Variants in TSKS observed in about 807,000 individuals in gnomAD.
TSKS encodes testis-specific serine kinase substrate.
Under a neutral mutation model 68.0 loss-of-function variants are expected in TSKS, and 27 were observed. The ratio of observed to expected loss-of-function variants is 0.40; its 90% CI spans 0.29 to 0.55. The LOEUF (loss-of-function observed/expected upper bound fraction) is 0.55, where lower values mean the gene tolerates loss of function less well. Ranked by LOEUF, TSKS falls within the 20% of genes least tolerant of loss-of-function variation. TSKS has a pLI of 0.53. For missense variants in TSKS, 806 were observed against 776.0 expected (o/e 1.04, Z -0.46); for synonymous variants, 331 against 340.4 (o/e 0.97, Z 0.30).
At chr19:49,749,923 C>T (rs1288591891) in intron 2 of TSKS, among the ~76,000 whole-genome samples, 3 of 151,950 alleles carry the variant, frequency 2.0e-5, no homozygotes, top group Non-Finnish European at 2.9e-5. Flanking sequence ...TTTTTTCTCT[C>T]TCTTTTATTT....
Position 49,739,834 on chromosome 19 carries a change from C to T in TSKS, c.1721G>A (p.Gly574Glu). Residue 574 changes from glycine to glutamate, a missense_variant, in exon 11 of 11, where the codon GGG (glycine) becomes GAG (glutamate). By Grantham distance (98) the Gly-to-Glu change is moderately conservative. Transcript: ENST00000246801. The stretch of plus-strand genomic sequence containing the variant: ...GGGGGTTCCTGCACTGCTGCCTCCC[C>T]CCATTGTTCCCGTGGACCCCTCAAG... ...LPLEGSTGTM[G>E]GGSSAGTPPK... The T allele has an allele frequency of 6.2e-7, 1 of 1,613,308 alleles. No homozygotes were observed. The highest frequency in any genetic ancestry group is 1.1e-5 in the South Asian group (1 of 91,064).
chr19:49,757,857 T>C (rs964147808), intron 2 of TSKS, among the ~76,000 whole-genome samples: 1 of 151,548 alleles, frequency 6.6e-6, no homozygotes, highest in Non-Finnish European at 1.5e-5. Context: ...TTTTCCTGAG[T>C]CTCTGCCTTT....
rs1271553871 is a variant in TSKS, at chr19:49,750,377, G to A, written c.400-1908C>T. Among the ~76,000 whole-genome samples, 4 of 150,878 alleles carry A rather than the reference G, an allele frequency of 2.7e-5. No homozygotes were observed. In the East Asian group the frequency reaches 7.8e-4, roughly 29 times the overall value. On this transcript the variant is annotated intron_variant, in intron 2 of 10. Transcript: ENST00000246801. Reference sequence around the variant, plus strand: ...AGGTTCAAGCCATTCTCCTGCTTCAGCCTCCCGAATAGCTGGGACTACGGG... The same window carrying A: ...AGGTTCAAGCCATTCTCCTGCTTCAACCTCCCGAATAGCTGGGACTACGGG...
At position 49,763,152 on chromosome 19, in the gene TSKS, G is replaced by T; in HGVS notation, c.96C>A (p.Val32=). ...TGGTCACCCTCCGGGGAGCCTCTGG[G>T]ACTAGCTGGGAGCAGCTCTCCACCC... ...PTGVESCSQL[V]PEAPRRVTSR... is the part of the protein sequence containing the mutation. Residue 32 remains valine, a synonymous_variant, in exon 1 of 11, where the codon GTC becomes GTA. Coordinates refer to ENST00000246801, the MANE Select transcript of TSKS (RefSeq NM_021733.2). The surrounding 1 kb of genome is among the most constrained non-coding windows in gnomAD (Gnocchi z 4.5). 1 of 1,609,882 alleles carries T rather than the reference G, an allele frequency of 6.2e-7. No homozygotes were observed. Among genetic ancestry groups the T allele is most frequent in the Non-Finnish European group, 8.5e-7 (1 of 1,178,022 alleles).
At chr19:49,741,768 C>T in intron 9 of TSKS, 117 bp downstream of exon 9, 1 of 1,439,616 alleles carries the variant, frequency 6.9e-7, no homozygotes, top group Non-Finnish European at 9.6e-7. Context: ...CCTGCTGCTC[C>T]CAGCTCAGCC....
Position 49,740,050 on chromosome 19 carries a change from CT to C in TSKS, c.1622+8del. The C allele has an allele frequency of 6.2e-7, 1 of 1,614,150 alleles. No individual in the cohort carries two copies. The highest frequency in any genetic ancestry group is 8.5e-7 in the Non-Finnish European group (1 of 1,180,044). On this transcript the variant is annotated splice_region_variant and intron_variant, in intron 10 of 10. Transcript: ENST00000246801. ...ACCCTCCTCCCATGCCCTCAGCCTC[CT>C]TCCTCACTCTGGCTTCATCTTGTCT...
At chr19:49,750,776 C>T (rs1320449931) in intron 2 of TSKS, among the ~76,000 whole-genome samples, 1 of 152,154 alleles carries the variant, frequency 6.6e-6, no homozygotes, top group African/African-American at 2.4e-5. Flanking sequence ...AACGTAGACA[C>T]CTGTAACCTG....
chr19:49,762,071 A>G lies in TSKS; in HGVS notation c.332T>C (p.Leu111Pro), dbSNP rs1279415212. Residue 111 changes from leucine (L) to proline (P), a missense_variant, in exon 2 of 11, where the codon CTG becomes CCG. Physicochemically the swap from Leu to Pro is moderately conservative, Grantham distance 98. Coordinates refer to ENST00000246801, the MANE Select transcript of TSKS (RefSeq NM_021733.2). ...GGTAGGGGAGGCAGGGGGCCCAGCC[A>G]GTGTGAGTTGGCCGCTGAGGTCTTC... ...TVEDLSGQLT[L>P]AGPPASPTLP... 6 of 1,614,014 alleles carry G rather than the reference A, an allele frequency of 3.7e-6. No homozygotes were observed. Among genetic ancestry groups the G allele is most frequent in the East Asian group, 2.2e-5 (1 of 44,890 alleles).
At chr19:49,745,573 C>T (rs1476973612) in intron 6 of TSKS, among the ~76,000 whole-genome samples, 177 bp from the exon 7 acceptor site, 2 of 152,048 alleles carry the variant, frequency 1.3e-5, no homozygotes, top group South Asian at 2.1e-4. Context: ...GAAATTTGGT[C>T]GTGTCCTCCA....
intron 8 of TSKS, among the ~76,000 whole-genome samples, chr19:49,743,493 C>CTTTTT (rs761657800): frequency 3.0e-4 from 31 of 103,878 alleles, no homozygotes; most frequent in Non-Finnish European, 3.9e-4. Context: ...AAGTGAATTT[C>CTTTTT]TTTTTTTTTT....
intron 5 of TSKS, 116 bp downstream of exon 5, chr19:49,747,273 G>T: frequency 6.3e-7 from 1 of 1,592,410 alleles, no homozygotes; most frequent in East Asian, 2.3e-5. Context: ...CTATGTGCAC[G>T]AAGGTGCAGT....
intron 2 of TSKS, among the ~76,000 whole-genome samples, chr19:49,754,325 C>T (rs1292851536): frequency 2.0e-5 from 3 of 151,220 alleles, no homozygotes; most frequent in African/African-American, 7.3e-5. Flanking sequence ...ATGGTTAAAC[C>T]CCGTCTCTGC....
Position 49,762,249 on chromosome 19 carries a change from G to A in TSKS, c.171-17C>T. 1 of 1,607,660 alleles carries A rather than the reference G, an allele frequency of 6.2e-7. No individual in the cohort carries two copies. Among genetic ancestry groups the A allele is most frequent in the Non-Finnish European group, 8.5e-7 (1 of 1,175,976 alleles). ...GGCTCCACCCTGCAGAGAAGAAACA[G>A]GCAGAAAAGTGGAGAAGCAGCCCCA... On this transcript the variant is annotated splice_polypyrimidine_tract_variant and intron_variant, in intron 1 of 10. Coordinates refer to ENST00000246801, the MANE Select transcript of TSKS (RefSeq NM_021733.2).
intron 1 of TSKS, among the ~76,000 whole-genome samples, chr19:49,762,864 C>T (rs2084455216): frequency 6.6e-6 from 1 of 152,030 alleles, no homozygotes; most frequent in Admixed American, 6.6e-5. Flanking sequence ...TCCATCCATC[C>T]CCATTACCTT....
At chr19:49,750,002 TATA>T (rs1345002444) in intron 2 of TSKS, among the ~76,000 whole-genome samples, 2 of 152,024 alleles carry the variant, frequency 1.3e-5, no homozygotes, top group Non-Finnish European at 2.9e-5. Context: ...AGTCATCCCT[TATA>T]GGAAAAGAGT....
intron 2 of TSKS, among the ~76,000 whole-genome samples, chr19:49,752,683 G>T (rs1474688716): frequency 6.6e-6 from 1 of 152,200 alleles, no homozygotes; most frequent in African/African-American, 2.4e-5. Flanking sequence ...GAAGGCAATG[G>T]ATAACAGTTG....
chr19:49,762,705 G>A (rs2084453661), intron 1 of TSKS, among the ~76,000 whole-genome samples: 1 of 151,628 alleles, frequency 6.6e-6, no homozygotes, highest in Non-Finnish European at 1.5e-5. Flanking sequence ...GGGATTACAG[G>A]CGTGAGCCAC....
At chr19:49,759,221 A>G (rs973669593) in intron 2 of TSKS, among the ~76,000 whole-genome samples, 2 of 151,288 alleles carry the variant, frequency 1.3e-5, no homozygotes, top group African/African-American at 2.4e-5. Context: ...CTGTAATCCC[A>G]GCAGTTTGGG....
intron 9 of TSKS, among the ~76,000 whole-genome samples, chr19:49,740,883 T>C (rs1600184808): frequency 1.1e-5 from 1 of 92,514 alleles, no homozygotes. Flanking sequence ...AGACTCTGTC[T>C]CCAAAAAAAA....
Sources: allele counts gnomAD v4.1 joint callset (sites outside exome capture counted in the v4.1 genomes callset), GRCh38; gene constraint gnomAD v4.1.1; non-coding constraint Gnocchi (gnomAD v3.1); transcripts MANE v1.5; gene names NCBI Gene and HGNC (gene_info 2026-07-23, HGNC 2026-07-21).